The following DGKB variants were observed in gnomAD, a reference collection of about 807,000 sequenced individuals.
DGKB encodes diacylglycerol kinase beta.
DGKB carries 67 observed loss-of-function variants against 114.3 expected under a neutral mutation model. That is an observed-to-expected ratio of 0.59 (90% CI 0.48 to 0.72). The LOEUF (loss-of-function observed/expected upper bound fraction) is 0.72. Among genes scored for constraint, DGKB ranks in the 30% least tolerant of loss-of-function variants. The probability of loss-of-function intolerance (pLI) is 0.00; values close to 1 mark genes in which losing one functional copy is unlikely to be tolerated. For synonymous variants in DGKB, 398 were observed against 323.1 expected (o/e 1.23, Z -2.49); for missense variants, 907 against 975.2 (o/e 0.93, Z 0.93).
At chr7:14,802,992 C>T (rs929820033) in intron 2 of DGKB, among the ~76,000 whole-genome samples, 1 of 151,548 alleles carries the variant, frequency 6.6e-6, no homozygotes, top group African/African-American at 2.4e-5. Flanking sequence ...CTGTAATAAA[C>T]AAAGCACGTA....
chr7:14,562,982 C>T (rs1226980400), intron 20 of DGKB, among the ~76,000 whole-genome samples: 1 of 152,028 alleles, frequency 6.6e-6, no homozygotes, highest in Non-Finnish European at 1.5e-5. Context: ...GTAATAATGG[C>T]CATGTGTTGT....
In DGKB at chr7:14,401,600, T is replaced by C. The variant is rs1823113226; in HGVS notation, c.1836-56209A>G. 2.0e-5 allele frequency among the ~76,000 whole-genome samples: 3 copies of C among 151,924 alleles called. No individual in the cohort carries two copies. In the South Asian group the frequency reaches 6.2e-4, roughly 31 times the overall value. ...TCAAGGCCATCACCTGATGAGATTTTATTGGCAAAAGATCTTTCTTCCCTT... is the reference window on the plus strand; with the variant it reads ...TCAAGGCCATCACCTGATGAGATTTCATTGGCAAAAGATCTTTCTTCCCTT... On this transcript the variant is annotated intron_variant, in intron 21 of 25. Transcript: ENST00000402815.
At chr7:14,773,455 A>G (rs7789633) in intron 2 of DGKB, among the ~76,000 whole-genome samples, 54,467 of 151,962 alleles carry the variant, frequency 0.36, 13,535 homozygotes, top group African/African-American at 0.69. Flanking sequence ...TGTAGAACTA[A>G]AAGGTACAGA....
At chr7:14,666,147 A>T (rs1444436484) in intron 13 of DGKB, among the ~76,000 whole-genome samples, 1 of 152,094 alleles carries the variant, frequency 6.6e-6, no homozygotes, top group African/African-American at 2.4e-5. Context: ...TGGCAACGAC[A>T]CATGAAGTCT....
intron 2 of DGKB, among the ~76,000 whole-genome samples, chr7:14,826,324 C>T (rs1051057036): frequency 6.6e-6 from 1 of 152,152 alleles, no homozygotes; most frequent in African/African-American, 2.4e-5. Flanking sequence ...TTAAACCTCT[C>T]TTAAAGGAAA....
intron 21 of DGKB, among the ~76,000 whole-genome samples, chr7:14,363,668 T>A (rs1816147510): frequency 6.6e-6 from 1 of 152,094 alleles, no homozygotes; most frequent in Non-Finnish European, 1.5e-5. Flanking sequence ...TAGTAGCAGC[T>A]CTTATATTAA....
intron 12 of DGKB, among the ~76,000 whole-genome samples, chr7:14,676,270 C>A (rs1819841216): frequency 6.6e-6 from 1 of 152,160 alleles, no homozygotes; most frequent in South Asian, 2.1e-4. Flanking sequence ...GGGCTCTGCC[C>A]TTTGGATATA....
At chr7:14,365,403 A>G (rs1456521458) in intron 21 of DGKB, among the ~76,000 whole-genome samples, 1 of 152,168 alleles carries the variant, frequency 6.6e-6, no homozygotes, top group Non-Finnish European at 1.5e-5. Flanking sequence ...TGTTGGAGTG[A>G]TATATGTAAA....
chr7:14,176,809 G>C lies in DGKB; in HGVS notation c.2304+30C>G, dbSNP rs758100025. 1.9e-5 allele frequency: 31 copies of C among 1,594,046 alleles called. No homozygotes were observed. In the Admixed American group the frequency reaches 2.1e-4, roughly 11 times the overall value. ...CAAAGAGGAAAGCAAAACTGAGATT[G>C]ACATAGCATATCAACTACTCTGTAC... On this transcript the variant is annotated intron_variant, in intron 25 of 25. Transcript: ENST00000402815.
chr7:14,874,506 TGAGGA>T (rs1852961062), intron 1 of DGKB, among the ~76,000 whole-genome samples: 4 of 151,946 alleles, frequency 2.6e-5, no homozygotes, highest in African/African-American at 9.7e-5. Flanking sequence ...GAGATTATAG[TGAGGA>T]AAGTCCACTA....
chr7:14,890,008 A>C (rs1780937651), intron 1 of DGKB, among the ~76,000 whole-genome samples: 1 of 151,586 alleles, frequency 6.6e-6, no homozygotes, highest in Admixed American at 6.6e-5. Flanking sequence ...TGTATGCATT[A>C]AAAAATGCAT....
In DGKB at chr7:14,317,279, G is replaced by A. The variant is rs1186031639; in HGVS notation, c.2122+21236C>T. Among the ~76,000 whole-genome samples the A allele has an allele frequency of 2.1e-5, 2 of 96,078 alleles. 1 individual carries two copies. The highest frequency in any genetic ancestry group is 8.5e-5 in the African/African-American group (2 of 23,472). 63.0% of individuals were successfully genotyped at this position (96,078 alleles called of 152,430 possible). On this transcript the variant is annotated intron_variant, in intron 23 of 25. Coordinates refer to ENST00000402815, the MANE Select transcript of DGKB (RefSeq NM_001350709.2). ...TATTCAACATAGTGTTGGAAGTTCT[G>A]GCCAGGGCAATTAGGCAGGAGAAGG...
chr7:14,250,951 C>T (rs761015695), intron 23 of DGKB, among the ~76,000 whole-genome samples: 2 of 152,144 alleles, frequency 1.3e-5, no homozygotes, highest in Non-Finnish European at 2.9e-5. Context: ...CAGAGCCACC[C>T]TGCTCTTTTT....
chr7:14,879,081 A>G (rs1853814769), intron 1 of DGKB, among the ~76,000 whole-genome samples: 1 of 151,942 alleles, frequency 6.6e-6, no homozygotes, highest in African/African-American at 2.4e-5. Flanking sequence ...AGACAGAGGA[A>G]AATGTCACAC....
At chr7:14,428,373 T>G (rs906305889) in intron 21 of DGKB, among the ~76,000 whole-genome samples, 1 of 152,138 alleles carries the variant, frequency 6.6e-6, no homozygotes, top group Non-Finnish European at 1.5e-5. Flanking sequence ...GGTTTGGGTT[T>G]TATCTTTGTG....
intron 21 of DGKB, among the ~76,000 whole-genome samples, chr7:14,346,040 T>C (rs1051709210): frequency 6.6e-6 from 1 of 151,518 alleles, no homozygotes; most frequent in Non-Finnish European, 1.5e-5. Context: ...AGTATTTGAT[T>C]ATGCATAATT....
intron 23 of DGKB, among the ~76,000 whole-genome samples, chr7:14,243,195 AT>A (rs1793943810): frequency 6.6e-6 from 1 of 152,180 alleles, no homozygotes; most frequent in Admixed American, 6.5e-5. Flanking sequence ...ACACTTGCTT[AT>A]TGCTTTGAGG....
chr7:14,254,065 AAAG>A (rs1319619250), intron 23 of DGKB, among the ~76,000 whole-genome samples: 5 of 152,146 alleles, frequency 3.3e-5, no homozygotes, highest in Non-Finnish European at 5.9e-5. Context: ...AGACGAAGAG[AAAG>A]AAGGAGTGAG....
chr7:14,776,695 C>G (rs1047300346), intron 2 of DGKB, among the ~76,000 whole-genome samples: 2 of 152,208 alleles, frequency 1.3e-5, no homozygotes, highest in African/African-American at 4.8e-5. Flanking sequence ...CCTGGATGTC[C>G]AGGCAGAAGT....
Sources: gnomAD v4.1 joint callset for allele counts (sites outside exome capture counted in the v4.1 genomes callset) on GRCh38, gnomAD v4.1.1 for gene constraint, MANE v1.5 for transcripts, NCBI Gene and HGNC (gene_info 2026-07-23, HGNC 2026-07-21) for gene names.